Variants in SPTBN1 observed in about 807,000 individuals in gnomAD.
SPTBN1 encodes the protein spectrin beta, non-erythrocytic 1.
SPTBN1 carries 32 observed loss-of-function variants against 266.4 expected under a neutral mutation model. The observed-to-expected ratio is 0.12, with a 90% confidence interval of 0.09 to 0.16. The LOEUF (loss-of-function observed/expected upper bound fraction) is 0.16. SPTBN1 is among the 10% of genes least tolerant of loss of function. The pLI, the probability that SPTBN1 is intolerant of heterozygous loss-of-function variation, is 1.00. For synonymous variants in SPTBN1, 1,336 were observed against 1,162.2 expected (o/e 1.15, Z -3.04); for missense variants, 2,296 against 3,067.1 (o/e 0.75, Z 5.94).
intron 3 of SPTBN1, among the ~76,000 whole-genome samples, chr2:54,601,096 G>A (rs1234289859): frequency 6.6e-6 from 1 of 151,930 alleles, no homozygotes; most frequent in East Asian, 1.9e-4. Context: ...AAGTTTTTTT[G>A]TGGCAACCCA....
intron 1 of SPTBN1, among the ~76,000 whole-genome samples, chr2:54,481,077 G>A (rs537643547): frequency 1.3e-5 from 2 of 152,180 alleles, no homozygotes; most frequent in Admixed American, 1.3e-4. Flanking sequence ...GGAAGCTGAG[G>A]TGGGAGGATC....
rs746062406 is a variant in SPTBN1, at chr2:54,467,093, A to G, written c.-48+10575A>G. Among the ~76,000 whole-genome samples the G allele has an allele frequency of 9.2e-5, 14 of 152,116 alleles. No homozygotes were observed. In the South Asian group the frequency reaches 1.0e-3, roughly 11 times the overall value. The stretch of plus-strand genomic sequence containing the variant: ...GCTCTCGGTGAAGTTTCGTTTCCCT[A>G]CAGTACTCTTGGGTGGCTGTTTCAG... On this transcript the variant is annotated intron_variant, in intron 1 of 35. Coordinates refer to ENST00000356805, the MANE Select transcript of SPTBN1 (RefSeq NM_003128.3).
chr2:54,629,301 C>G lies in SPTBN1; in HGVS notation c.2167C>G (p.Arg723Gly). The G allele has an allele frequency of 6.2e-7, 1 of 1,614,022 alleles. No homozygotes were observed. Among genetic ancestry groups the G allele is most frequent in the South Asian group, 1.1e-5 (1 of 91,080 alleles). The stretch of plus-strand genomic sequence containing the variant: ...GATCCGTGAGAGGATCATTTACATC[C>G]GGGAGCAGTGGGCCAACCTAGAGCA... ...EKIRERIIYI[R>G]EQWANLEQLS... is the part of the protein sequence containing the mutation. Residue 723 changes from arginine to glycine, a missense_variant, in exon 14 of 36, where the codon CGG becomes GGG. This residue lies in a region of SPTBN1 where 434 missense variants were observed against 573.9 expected (regional missense o/e 0.76). Coordinates refer to ENST00000356805, the MANE Select transcript of SPTBN1 (RefSeq NM_003128.3).
rs375646198 is a variant in SPTBN1, at chr2:54,625,967, C to T, written c.1377C>T (p.Ala459=). The change falls in exon 12 of 36, where the codon GCC becomes GCT. Residue 459 remains alanine, a synonymous_variant. Transcript: ENST00000356805. ...NFGFDLPAVE[A]ATKKHEAIET... ...GGTTTGACCTTCCTGCAGTTGAGGC[C>T]GCCACAAAAAAGCACGAGGCCATTG... 174 of 1,613,812 alleles carry T rather than the reference C, an allele frequency of 1.1e-4. No homozygotes were observed. The highest frequency in any genetic ancestry group is 1.3e-4 in the Non-Finnish European group (152 of 1,179,890).
At position 54,668,720 on chromosome 2, in the gene SPTBN1, G is replaced by C; in HGVS notation, c.*151G>C. 1 of 645,396 alleles carries C rather than the reference G, an allele frequency of 1.5e-6. No homozygotes were observed. Among genetic ancestry groups the C allele is most frequent in the Admixed American group, 3.3e-5 (1 of 30,546 alleles). 40.0% of individuals were successfully genotyped at this position (645,396 alleles called of 1,614,324 possible). On this transcript the variant is annotated 3_prime_UTR_variant, in exon 36 of 36. Transcript: ENST00000356805. ...TAATTTATAGAGCATTTCGGGGGGG[G>C]TGGGGGAAACACACCTAAACACTTT...
chr2:54,529,956 C>G (rs1335658119), intron 2 of SPTBN1, among the ~76,000 whole-genome samples: 1 of 150,368 alleles, frequency 6.7e-6, no homozygotes, highest in Non-Finnish European at 1.5e-5. Context: ...ATCTTCCTGT[C>G]CCTTATAGGG....
intron 1 of SPTBN1, among the ~76,000 whole-genome samples, chr2:54,472,022 G>GTCT (rs1553428747): frequency 1.5e-5 from 1 of 66,802 alleles, no homozygotes; most frequent in African/African-American, 6.4e-5. Context: ...CCCTGAAGAT[G>GTCT]TTTTTTTTTT....
intron 1 of SPTBN1, among the ~76,000 whole-genome samples, chr2:54,510,120 G>A (rs539683601): frequency 3.3e-5 from 5 of 151,950 alleles, no homozygotes; most frequent in South Asian, 4.2e-4. Context: ...CTCTGCGCCC[G>A]GCTAATTTTT....
chr2:54,603,837 A>G (rs1445107385), intron 3 of SPTBN1, among the ~76,000 whole-genome samples: 2 of 152,214 alleles, frequency 1.3e-5, no homozygotes, highest in Non-Finnish European at 2.9e-5. Context: ...ATTAAAAGAA[A>G]AAAACATAAG....
In SPTBN1 at chr2:54,645,287, C is replaced by T; in HGVS notation, c.4328C>T (p.Ala1443Val). The T allele has an allele frequency of 6.2e-7, 1 of 1,614,178 alleles. No individual in the cohort carries two copies. The highest frequency in any genetic ancestry group is 8.5e-7 in the Non-Finnish European group (1 of 1,180,036). ...KKEIEELQSQ[A>V]QALSQEGKST... Reference sequence around the variant, plus strand: ...GAGATCGAAGAGCTCCAAAGCCAAGCCCAGGCCCTGAGTCAGGAAGGGAAG... The same window carrying T: ...GAGATCGAAGAGCTCCAAAGCCAAGTCCAGGCCCTGAGTCAGGAAGGGAAG... The change falls in exon 21 of 36, where the codon GCC (alanine) becomes GTC (valine). Residue 1443 changes from alanine (A) to valine (V), a missense_variant. Ala to Val is a moderately conservative substitution (Grantham distance 64). Transcript: ENST00000356805. This position sits in a 1 kb window ranked among gnomAD's most constrained non-coding sequence, Gnocchi z 4.3.
At chr2:54,493,092 G>A (rs1008731282) in intron 1 of SPTBN1, among the ~76,000 whole-genome samples, 5 of 134,964 alleles carry the variant, frequency 3.7e-5, no homozygotes, top group Admixed American at 2.5e-4. Flanking sequence ...TGCAACCTCC[G>A]CTTCCTGGGT....
chr2:54,663,111 A>C (rs1369102719), intron 32 of SPTBN1: 1 of 152,162 alleles, frequency 6.6e-6, no homozygotes, highest in Non-Finnish European at 1.5e-5. Context: ...TTTGTTCAAA[A>C]TCAAGCATTG....
chr2:54,638,119 A>G (rs1325029946), intron 18 of SPTBN1, among the ~76,000 whole-genome samples: 1 of 152,224 alleles, frequency 6.6e-6, no homozygotes, highest in Non-Finnish European at 1.5e-5. Flanking sequence ...ACATAAAACT[A>G]AGAGCGTGGT....
rs992802007 is a variant in SPTBN1 at position 54,668,331 on chromosome 2, G to A, written c.6877-20G>A. The A allele has an allele frequency of 6.2e-7, 1 of 1,612,746 alleles. No individual in the cohort carries two copies. Among genetic ancestry groups the A allele is most frequent in the African/African-American group, 1.3e-5 (1 of 74,888 alleles). On this transcript the variant is annotated intron_variant, in intron 35 of 35. Coordinates refer to ENST00000356805, the MANE Select transcript of SPTBN1 (RefSeq NM_003128.3). ...GCCTACTCTTAGTTGAGTCTCACCT[G>A]TGTCCCTTCCTCTGTCCAGGAGGAA...
chr2:54,601,582 A>G (rs1676501627), intron 3 of SPTBN1, among the ~76,000 whole-genome samples: 2 of 152,202 alleles, frequency 1.3e-5, no homozygotes, highest in Non-Finnish European at 2.9e-5. Context: ...TAAGTGTGTC[A>G]TCAGATAACA....
chr2:54,605,059 C>T (rs1676751525), intron 3 of SPTBN1, among the ~76,000 whole-genome samples: 1 of 152,170 alleles, frequency 6.6e-6, no homozygotes, highest in Non-Finnish European at 1.5e-5. Context: ...GGAGGCAAGA[C>T]AGAGGACGCT....
intron 1 of SPTBN1, among the ~76,000 whole-genome samples, chr2:54,467,829 A>C (rs1244715384): frequency 2.0e-5 from 3 of 152,162 alleles, no homozygotes; most frequent in Non-Finnish European, 4.4e-5. Context: ...TATGAAGACT[A>C]TATACCATCA....
intron 2 of SPTBN1, 114 bp downstream of exon 2, chr2:54,526,680 A>G: frequency 3.1e-6 from 4 of 1,295,218 alleles, no homozygotes; most frequent in Non-Finnish European, 3.1e-6. Context: ...TCTCACTTCT[A>G]TTTAAATGTG....
At position 54,632,766 on chromosome 2, in the gene SPTBN1, C is replaced by G; in HGVS notation, c.3765C>G (p.Asp1255Glu). 1 of 1,614,070 alleles carries G rather than the reference C, an allele frequency of 6.2e-7. No homozygotes were observed. The highest frequency in any genetic ancestry group is 8.5e-7 in the Non-Finnish European group (1 of 1,180,006). ...RIQEKVDSID[D>E]RHRKNRETAS... ...AGGAGAAGGTGGACTCTATTGATGA[C>G]AGGTACAGTTTTCTGAGGTTCTTAA... Residue 1255 changes from aspartate to glutamate, a missense_variant and splice_region_variant, in exon 17 of 36, where the codon GAC becomes GAG. Around this residue, in one of 12 missense-constraint regions of SPTBN1, gnomAD observed 386 missense variants for 486.1 expected, o/e 0.79. Transcript: ENST00000356805.
Sources: allele counts gnomAD v4.1 joint callset (sites outside exome capture counted in the v4.1 genomes callset), GRCh38; gene constraint gnomAD v4.1.1; regional missense constraint gnomAD v4.1.1; non-coding constraint Gnocchi (gnomAD v3.1); transcripts MANE v1.5; gene names NCBI Gene and HGNC (gene_info 2026-07-23, HGNC 2026-07-21).